Variants in RPH3A observed in about 807,000 individuals in gnomAD.
RPH3A encodes rabphilin-3A.
In RPH3A, 48 loss-of-function variants were observed where a neutral mutation model predicts 102.2. That is an observed-to-expected ratio of 0.47 (90% confidence interval 0.37 to 0.60). The LOEUF is 0.60. RPH3A is among the 20% of genes least tolerant of loss of function. The pLI is 0.00. For synonymous variants in RPH3A, 310 were observed against 324.3 expected, an observed-to-expected ratio of 0.96 and a Z score of 0.47; for missense variants, 781 against 910.1, an observed-to-expected ratio of 0.86 and a Z score of 1.83.
chr12:112,860,019 C>G (rs1050060695), intron 5 of RPH3A, among the ~76,000 whole-genome samples: 18 of 152,198 alleles, frequency 1.2e-4, no homozygotes, highest in Admixed American at 5.9e-4. Flanking sequence ...AGAGCGTCTC[C>G]CATACACATC....
At position 112,591,168 on chromosome 12, in the gene RPH3A, C is replaced by T. The variant is rs190954594; in HGVS notation, c.-140+15849C>T. On this transcript the variant is annotated intron_variant, in intron 1 of 21. Transcript: ENST00000543106. ...GGTCTTGCTGTGTTGCCCAGGCTGG[C>T]GTCAAACTCCTGGGCTCAATGATCC... is the stretch of plus-strand genomic sequence containing the variant. 5.1e-3 allele frequency among the ~76,000 whole-genome samples: 775 copies of T among 151,646 alleles called. 10 individuals are homozygous for T. The highest frequency in any genetic ancestry group is 0.017 in the African/African-American group (696 of 41,312).
chr12:112,672,037 T>TA, intron 1 of RPH3A, among the ~76,000 whole-genome samples: 1 of 150,372 alleles, frequency 6.7e-6, no homozygotes, highest in South Asian at 2.1e-4. Flanking sequence ...TATATATATA[T>TA]TTATATATAT....
chr12:112,781,962 G>T (rs1274130962), intron 1 of RPH3A, among the ~76,000 whole-genome samples: 1 of 152,220 alleles, frequency 6.6e-6, no homozygotes, highest in Non-Finnish European at 1.5e-5. Flanking sequence ...ATTCAGGGTG[G>T]TCAGTTGTCT....
At chr12:112,778,706 G>C (rs995735825) in intron 1 of RPH3A, among the ~76,000 whole-genome samples, 1 of 152,106 alleles carries the variant, frequency 6.6e-6, no homozygotes, top group Non-Finnish European at 1.5e-5. Flanking sequence ...CAGGCTGGAG[G>C]ATACAAAGAA....
chr12:112,737,046 T>G (rs2040674319), intron 1 of RPH3A, among the ~76,000 whole-genome samples: 1 of 151,184 alleles, frequency 6.6e-6, no homozygotes, highest in African/African-American at 2.4e-5. Flanking sequence ...TCCTAGCTAC[T>G]CAGGAGGCTG....
intron 1 of RPH3A, among the ~76,000 whole-genome samples, chr12:112,659,486 T>A (rs1013556): frequency 0.32 from 48,012 of 152,120 alleles, 10,100 homozygotes; most frequent in East Asian, 0.67. Context: ...ACAGAAGGGA[T>A]GCTGGTTTCT....
intron 17 of RPH3A, among the ~76,000 whole-genome samples, 180 bp from the exon 18 acceptor site, chr12:112,889,844 A>C (rs756280043): frequency 7.2e-5 from 11 of 152,220 alleles, no homozygotes; most frequent in Non-Finnish European, 1.5e-4. Flanking sequence ...ATAGCTTGCC[A>C]TATGGCTAAG....
At chr12:112,640,134 A>T (rs1382888932) in intron 1 of RPH3A, among the ~76,000 whole-genome samples, 3 of 151,626 alleles carry the variant, frequency 2.0e-5, no homozygotes, top group Non-Finnish European at 4.4e-5. Flanking sequence ...CAGCCTGACC[A>T]ACATGGTGAA....
chr12:112,820,345 T>C (rs2041755943), intron 2 of RPH3A, among the ~76,000 whole-genome samples: 1 of 152,216 alleles, frequency 6.6e-6, no homozygotes, highest in African/African-American at 2.4e-5. Context: ...CACGTTTTCT[T>C]TCTTGCCTTC....
At chr12:112,835,521 T>C (rs1240172203) in intron 3 of RPH3A, among the ~76,000 whole-genome samples, 3 of 152,222 alleles carry the variant, frequency 2.0e-5, no homozygotes, top group African/African-American at 7.2e-5. Flanking sequence ...TGAAACATCT[T>C]GGCATTCTGA....
chr12:112,881,719 C>T (rs2042916928), intron 14 of RPH3A, 53 bp from the exon 15 acceptor site: 1 of 1,357,234 alleles, frequency 7.4e-7, no homozygotes, highest in Non-Finnish European at 1.0e-6. Flanking sequence ...CCGATGACAG[C>T]TGAGCACTGG....
intron 10 of RPH3A, among the ~76,000 whole-genome samples, chr12:112,870,358 G>A (rs1035594332): frequency 4.8e-4 from 70 of 147,176 alleles, no homozygotes; most frequent in African/African-American, 1.8e-3. Context: ...CCTAGGCTTC[G>A]AACAAAGTAA....
intron 2 of RPH3A, among the ~76,000 whole-genome samples, chr12:112,796,986 G>T (rs1028496699): frequency 1.3e-5 from 2 of 152,110 alleles, no homozygotes; most frequent in Admixed American, 6.5e-5. Flanking sequence ...GGAGATAGAG[G>T]TTACAGTGAG....
intron 2 of RPH3A, among the ~76,000 whole-genome samples, chr12:112,814,154 G>A (rs1006891417): frequency 4.6e-5 from 7 of 151,824 alleles, no homozygotes; most frequent in African/African-American, 1.7e-4. Flanking sequence ...TGTGTTTGCA[G>A]CAAGGTGAGA....
intron 2 of RPH3A, among the ~76,000 whole-genome samples, chr12:112,815,841 C>A (rs1018055637): frequency 1.3e-5 from 2 of 152,146 alleles, no homozygotes; most frequent in African/African-American, 4.8e-5. Context: ...TTGCCTTTTC[C>A]CTGCTTACCA....
At chr12:112,639,062 T>A (rs2039867259) in intron 1 of RPH3A, among the ~76,000 whole-genome samples, 1 of 152,170 alleles carries the variant, frequency 6.6e-6, no homozygotes. Flanking sequence ...TTGTGTGTAT[T>A]TGGGCAATTG....
intron 1 of RPH3A, among the ~76,000 whole-genome samples, chr12:112,739,667 G>T (rs1281116043): frequency 6.6e-6 from 1 of 152,170 alleles, no homozygotes; most frequent in Non-Finnish European, 1.5e-5. Context: ...AGCCGTCCTG[G>T]TCTTGGCCTT....
At chr12:112,676,843 C>G (rs1349245905) in intron 1 of RPH3A, among the ~76,000 whole-genome samples, 1 of 152,114 alleles carries the variant, frequency 6.6e-6, no homozygotes. Context: ...GGAGGCTGGG[C>G]TGGACAGAAA....
chr12:112,855,006 C>T (rs2042387811), intron 5 of RPH3A, among the ~76,000 whole-genome samples: 1 of 141,398 alleles, frequency 7.1e-6, no homozygotes, highest in African/African-American at 2.5e-5. Flanking sequence ...CACAGTGATC[C>T]TTGTCCCCTT....
Sources: gnomAD v4.1 joint callset for allele counts (sites outside exome capture counted in the v4.1 genomes callset) on GRCh38, gnomAD v4.1.1 for gene constraint, MANE v1.5 for transcripts, NCBI Gene and HGNC (gene_info 2026-07-23, HGNC 2026-07-21) for gene names.